MDGA2: variants seen among roughly 807,000 people sequenced by gnomAD.
MDGA2 encodes MAM domain-containing glycosylphosphatidylinositol anchor protein 2.
In MDGA2, 40 loss-of-function variants were observed where a neutral mutation model predicts 117.8. The ratio of observed to expected loss-of-function variants is 0.34; its 90% CI spans 0.26 to 0.44. The LOEUF (loss-of-function observed/expected upper bound fraction) is 0.44. MDGA2 is among the 20% of genes least tolerant of loss of function. The pLI is 1.00. For synonymous variants in MDGA2, 452 were observed against 439.0 expected (o/e 1.03, Z -0.37); for missense variants, 1,123 against 1,250.6 (o/e 0.90, Z 1.54).
chr14:47,424,996 A>G (rs1285321941), intron 1 of MDGA2, among the ~76,000 whole-genome samples: 1 of 152,168 alleles, frequency 6.6e-6, no homozygotes. Flanking sequence ...AGGAAGGTAG[A>G]TAGGGGAAAT....
chr14:46,867,182 C>A (rs905609784), intron 14 of MDGA2, among the ~76,000 whole-genome samples: 26 of 152,234 alleles, frequency 1.7e-4, no homozygotes, highest in African/African-American at 5.8e-4. Flanking sequence ...GAAAATGTGG[C>A]ACACATACAC....
At chr14:47,355,926 C>A (rs1490972908) in intron 1 of MDGA2, among the ~76,000 whole-genome samples, 1 of 152,150 alleles carries the variant, frequency 6.6e-6, no homozygotes, top group Non-Finnish European at 1.5e-5. Flanking sequence ...GTCTTTTCTG[C>A]TCTCAACCAT....
chr14:46,871,155 T>C (rs1881980277), intron 14 of MDGA2: 1 of 63,042 alleles, frequency 1.6e-5, no homozygotes, highest in South Asian at 8.6e-4. Context: ...TTATGCGATT[T>C]GTTTCCTTTC....
chr14:47,431,311 GA>G (rs1195304094), intron 1 of MDGA2, among the ~76,000 whole-genome samples: 3 of 151,598 alleles, frequency 2.0e-5, no homozygotes, highest in Non-Finnish European at 4.4e-5. Flanking sequence ...TTAGGGAGGG[GA>G]AAAATATAAA....
chr14:47,428,183 C>G (rs1302799100), intron 1 of MDGA2, among the ~76,000 whole-genome samples: 2 of 151,996 alleles, frequency 1.3e-5, no homozygotes, highest in African/African-American at 4.8e-5. Flanking sequence ...TAAAGAAACT[C>G]TTTACTCACT....
intron 3 of MDGA2, among the ~76,000 whole-genome samples, chr14:47,174,037 A>G (rs1884314910): frequency 6.6e-6 from 1 of 152,220 alleles, no homozygotes; most frequent in African/African-American, 2.4e-5. Flanking sequence ...AACAAAGATC[A>G]AAAGAGACAA....
intron 8 of MDGA2, among the ~76,000 whole-genome samples, chr14:47,024,063 T>G (rs2138598263): frequency 6.6e-6 from 1 of 152,284 alleles, no homozygotes; most frequent in South Asian, 2.1e-4. Flanking sequence ...ATATGTCCTC[T>G]GCATGAAGAT....
At chr14:47,451,137 T>C (rs1015265091) in intron 1 of MDGA2, among the ~76,000 whole-genome samples, 17 of 152,200 alleles carry the variant, frequency 1.1e-4, no homozygotes, top group Non-Finnish European at 2.2e-4. Flanking sequence ...GCTTACTACC[T>C]GTAGGTTTTA....
In MDGA2 at chr14:47,148,310, GT is replaced by G. The variant is rs530152434; in HGVS notation, c.596-4037del. Among the ~76,000 whole-genome samples the G allele has an allele frequency of 2.0e-3, 297 of 152,302 alleles. 4 individuals are homozygous for G. The highest frequency in any genetic ancestry group is 7.0e-3 in the African/African-American group (289 of 41,572). On this transcript the variant is annotated intron_variant, in intron 3 of 16. Coordinates refer to ENST00000399232, the MANE Select transcript of MDGA2 (RefSeq NM_001113498.3). ...GCAATCCTCCAGTAGGTCACTGGAT[GT>G]GATGATAGTGAGGTCACTTCTTGGT...
intron 1 of MDGA2, among the ~76,000 whole-genome samples, chr14:47,570,286 C>T (rs528760797): frequency 2.6e-5 from 4 of 152,162 alleles, no homozygotes; most frequent in Admixed American, 6.5e-5. Flanking sequence ...AATGTAATTG[C>T]GGTTTTTGCC....
At chr14:47,425,918 T>C (rs1422702781) in intron 1 of MDGA2, among the ~76,000 whole-genome samples, 1 of 152,026 alleles carries the variant, frequency 6.6e-6, no homozygotes, top group African/African-American at 2.4e-5. Context: ...CTTTTTTTTT[T>C]TAAGATTTCA....
At chr14:46,968,835 T>C (rs1000163222) in intron 8 of MDGA2, among the ~76,000 whole-genome samples, 1 of 105,854 alleles carries the variant, frequency 9.4e-6, no homozygotes, top group Non-Finnish European at 2.0e-5. Flanking sequence ...AGACTCTGTC[T>C]AAAAAAAAAA....
chr14:47,409,654 G>A (rs1792026813), intron 1 of MDGA2, among the ~76,000 whole-genome samples: 1 of 152,052 alleles, frequency 6.6e-6, no homozygotes, highest in South Asian at 2.1e-4. Context: ...AGGTCCTTCA[G>A]GCCACTTCCC....
intron 3 of MDGA2, among the ~76,000 whole-genome samples, chr14:47,182,853 G>A (rs999387818): frequency 2.0e-5 from 3 of 151,718 alleles, no homozygotes; most frequent in African/African-American, 7.3e-5. Context: ...GGTTTTTTTG[G>A]GAAACTTTTT....
At chr14:47,404,788 C>T (rs919775827) in intron 1 of MDGA2, among the ~76,000 whole-genome samples, 1 of 152,132 alleles carries the variant, frequency 6.6e-6, no homozygotes, top group Non-Finnish European at 1.5e-5. Context: ...GCTACCATGC[C>T]CAGCCTACCT....
chr14:47,406,090 C>T (rs953488680), intron 1 of MDGA2, among the ~76,000 whole-genome samples: 1 of 152,000 alleles, frequency 6.6e-6, no homozygotes, highest in Non-Finnish European at 1.5e-5. Context: ...TGGTTTAATT[C>T]AAGAAAGGAG....
chr14:46,879,411 AT>A (rs1183447816), intron 11 of MDGA2, among the ~76,000 whole-genome samples: 1 of 152,162 alleles, frequency 6.6e-6, no homozygotes, highest in Non-Finnish European at 1.5e-5. Context: ...AGACTAATAC[AT>A]TGCCTCTAAA....
At chr14:46,938,296 T>C (rs1163846475) in intron 9 of MDGA2, among the ~76,000 whole-genome samples, 2 of 151,898 alleles carry the variant, frequency 1.3e-5, no homozygotes, top group African/African-American at 4.8e-5. Context: ...CCCAGCACTT[T>C]GGGAGGCCTA....
intron 1 of MDGA2, among the ~76,000 whole-genome samples, chr14:47,527,868 T>C (rs1053131109): frequency 2.0e-5 from 3 of 152,088 alleles, no homozygotes; most frequent in Non-Finnish European, 4.4e-5. Context: ...AATTTGGACA[T>C]GAGAGAGAGG....
Sources: allele counts gnomAD v4.1 joint callset (sites outside exome capture counted in the v4.1 genomes callset), GRCh38; gene constraint gnomAD v4.1.1; transcripts MANE v1.5; gene names NCBI Gene and HGNC (gene_info 2026-07-23, HGNC 2026-07-21).